CDC42SE2: variants seen among roughly 807,000 people sequenced by gnomAD.
The protein encoded by CDC42SE2 is CDC42 small effector protein 2.
Under a neutral mutation model 11.5 loss-of-function variants are expected in CDC42SE2, and 3 were observed. The observed-to-expected ratio is 0.26, with a 90% CI of 0.12 to 0.67. The LOEUF (loss-of-function observed/expected upper bound fraction) is 0.67, where lower values mean the gene tolerates loss of function less well. CDC42SE2 is among the 30% of genes least tolerant of loss of function. The pLI is 0.80. For synonymous variants in CDC42SE2, 33 were observed against 34.8 expected (o/e 0.95, Z 0.18); for missense variants, 82 against 106.8 (o/e 0.77, Z 1.02).
intron 1 of CDC42SE2, among the ~76,000 whole-genome samples, chr5:131,250,884 A>C (rs1333750435): frequency 6.6e-6 from 1 of 152,160 alleles, no homozygotes; most frequent in Non-Finnish European, 1.5e-5. Flanking sequence ...CTCTTAAAAA[A>C]TACTATGGTA....
chr5:131,388,614 T>C (rs1750558613), intron 4 of CDC42SE2, among the ~76,000 whole-genome samples: 1 of 152,226 alleles, frequency 6.6e-6, no homozygotes, highest in African/African-American at 2.4e-5. Context: ...AGATTTCCGT[T>C]ACCCGTTCAG....
chr5:131,350,079 T>A (rs1389817537), intron 2 of CDC42SE2, among the ~76,000 whole-genome samples: 1 of 152,014 alleles, frequency 6.6e-6, no homozygotes, highest in African/African-American at 2.4e-5. Flanking sequence ...TAGATATATT[T>A]AAAAAAATCA....
chr5:131,284,327 G>A (rs911498823), intron 1 of CDC42SE2, among the ~76,000 whole-genome samples: 11 of 152,038 alleles, frequency 7.2e-5, no homozygotes, highest in East Asian at 1.9e-4. Flanking sequence ...AAAAAGAGTC[G>A]TTAAATTAGG....
At chr5:131,246,712 T>C (rs1410201978) in intron 1 of CDC42SE2, among the ~76,000 whole-genome samples, 1 of 151,916 alleles carries the variant, frequency 6.6e-6, no homozygotes, top group Non-Finnish European at 1.5e-5. Context: ...ATTATGCATA[T>C]GTTGGATCTC....
At chr5:131,236,528 G>A in the CDC42SE2 span, among the ~76,000 whole-genome samples, 1 of 151,986 alleles carries the variant, frequency 6.6e-6, no homozygotes, top group Non-Finnish European at 1.5e-5. Context: ...CTAGGTTCAA[G>A]TTGATTCTCA....
At chr5:131,261,540 T>C (rs1756726224), upstream of CDC42SE2, 1 of 152,216 alleles carries the variant, frequency 6.6e-6, no homozygotes, top group South Asian at 2.1e-4. Context: ...CAAATAATTA[T>C]GCACACATAC....
intron 1 of CDC42SE2, among the ~76,000 whole-genome samples, chr5:131,269,269 GTATTT>G (rs1017698529): frequency 6.6e-6 from 1 of 152,108 alleles, no homozygotes; most frequent in African/African-American, 2.4e-5. Flanking sequence ...ACCTGTTAAT[GTATTT>G]TAGTCAAATA....
chr5:131,375,634 C>T (rs1298866344), intron 3 of CDC42SE2, among the ~76,000 whole-genome samples: 4 of 152,014 alleles, frequency 2.6e-5, no homozygotes, highest in African/African-American at 9.7e-5. Flanking sequence ...AATTATTTTT[C>T]CCACCGTAGA....
the CDC42SE2 span, among the ~76,000 whole-genome samples, chr5:131,232,999 A>G: frequency 6.6e-6 from 1 of 151,824 alleles, no homozygotes; most frequent in Non-Finnish European, 1.5e-5. Context: ...GCTTCTTCCC[A>G]TCTCTGTCCC....
chr5:131,390,583 G>A (rs1750620079), intron 4 of CDC42SE2, among the ~76,000 whole-genome samples: 2 of 152,050 alleles, frequency 1.3e-5, no homozygotes, highest in South Asian at 4.2e-4. Flanking sequence ...GCTGAGGCAG[G>A]AGAATCATTT....
At chr5:131,371,409 T>C (rs1750008938) in intron 3 of CDC42SE2, among the ~76,000 whole-genome samples, 1 of 152,230 alleles carries the variant, frequency 6.6e-6, no homozygotes, top group Non-Finnish European at 1.5e-5. Context: ...TTCTTAGATA[T>C]TTCTGGTATT....
rs957349437 is a variant in CDC42SE2 at position 131,393,836 on chromosome 5, T to G, written c.*2745T>G. On this transcript the variant is annotated 3_prime_UTR_variant, in exon 5 of 5. Transcript: ENST00000505065. ...ATCGCTGTTTTTTTTTTTTTTTTTT[T>G]TTTTTTTGCTGCTCCAACGACCAGC... 5 of 144,904 alleles carry G rather than the reference T, an allele frequency of 3.5e-5. No homozygotes were observed. Among genetic ancestry groups the G allele is most frequent in the South Asian group, 2.3e-4 (1 of 4,306 alleles). 9.0% of individuals were successfully genotyped at this position (144,904 alleles called of 1,614,324 possible). A position where few individuals can be genotyped will look rare whatever the true frequency, so the allele number is the denominator to read the frequency against.
chr5:131,391,295 A>C lies in CDC42SE2; in HGVS notation c.*204A>C, dbSNP rs1750644854. On this transcript the variant is annotated 3_prime_UTR_variant, in exon 5 of 5. Coordinates refer to ENST00000505065, the MANE Select transcript of CDC42SE2 (RefSeq NM_001375635.1). ...GTTCTTTTCCTTATTAAGAACTTTAAATACTTTAAAACATCTGGTTGGGGA... is the reference window on the plus strand; with the variant it reads ...GTTCTTTTCCTTATTAAGAACTTTACATACTTTAAAACATCTGGTTGGGGA... 4.6e-6 allele frequency: 1 copy of C among 218,614 alleles called. No individual in the cohort carries two copies. Among genetic ancestry groups the C allele is most frequent in the Non-Finnish European group, 8.8e-6 (1 of 114,154 alleles). 13.5% of individuals were successfully genotyped at this position (218,614 alleles called of 1,614,324 possible).
intron 2 of CDC42SE2, among the ~76,000 whole-genome samples, chr5:131,256,135 A>G (rs561500025): frequency 2.0e-5 from 3 of 152,352 alleles, no homozygotes; most frequent in South Asian, 4.1e-4. Context: ...GAGGACTACC[A>G]GCTTGTTACT....
chr5:131,320,110 C>T (rs1168764535), intron 2 of CDC42SE2, among the ~76,000 whole-genome samples: 1 of 142,494 alleles, frequency 7.0e-6, no homozygotes, highest in African/African-American at 2.6e-5. Flanking sequence ...CTAGGCTGGG[C>T]GTGGTGGCTA....
At chr5:131,225,395 T>C in the CDC42SE2 span, among the ~76,000 whole-genome samples, 1 of 152,160 alleles carries the variant, frequency 6.6e-6, no homozygotes, top group Non-Finnish European at 1.5e-5. Context: ...ATGACTGTCC[T>C]AAAAGAAACT....
intron 1 of CDC42SE2, among the ~76,000 whole-genome samples, chr5:131,304,502 C>G (rs1757743599): frequency 6.6e-6 from 1 of 152,178 alleles, no homozygotes; most frequent in African/African-American, 2.4e-5. Context: ...ACGGTATCCA[C>G]ATGACACTCA....
At chr5:131,261,915 T>C (rs1474220140), upstream of CDC42SE2, among the ~76,000 whole-genome samples, 1 of 143,414 alleles carries the variant, frequency 7.0e-6, no homozygotes, top group East Asian at 2.0e-4. Context: ...TTAATTGACT[T>C]TTTTTTTTTT....
intron 1 of CDC42SE2, among the ~76,000 whole-genome samples, chr5:131,277,381 AATT>A (rs1178078868): frequency 1.3e-5 from 2 of 152,222 alleles, no homozygotes; most frequent in Non-Finnish European, 1.5e-5. Context: ...AACTGAATAC[AATT>A]AATAGGTGTG....
Sources: gnomAD v4.1 joint callset for allele counts (sites outside exome capture counted in the v4.1 genomes callset) on GRCh38, gnomAD v4.1.1 for gene constraint, MANE v1.5 for transcripts, NCBI Gene and HGNC (gene_info 2026-07-23, HGNC 2026-07-21) for gene names.